The following KIF11 variants were observed in gnomAD, a reference collection of about 807,000 sequenced individuals.
The protein encoded by KIF11 is kinesin family member 11, also known as kinesin-like protein KIF11.
In KIF11, 9 loss-of-function variants were observed where a neutral mutation model predicts 121.0. That is an observed-to-expected ratio of 0.07 (90% CI 0.04 to 0.13). The LOEUF (loss-of-function observed/expected upper bound fraction) is 0.13. Among genes scored for constraint, KIF11 ranks in the 10% least tolerant of loss-of-function variants. The pLI, the probability that KIF11 is intolerant of heterozygous loss-of-function variation, is 1.00. For missense variants in KIF11, 846 were observed against 1,217.5 expected, an observed-to-expected ratio of 0.69 and a Z score of 4.54; for synonymous variants, 408 against 421.0, an observed-to-expected ratio of 0.97 and a Z score of 0.38.
At chr10:92,651,202 A>G (rs1844975515) in intron 21 of KIF11, among the ~76,000 whole-genome samples, 1 of 135,958 alleles carries the variant, frequency 7.4e-6, no homozygotes, top group Non-Finnish European at 1.6e-5. Context: ...ATTTTTTTGT[A>G]TTTTTAGTAG....
At chr10:92,606,465 G>C in intron 2 of KIF11, 68 bp downstream of exon 2, 5 of 1,361,988 alleles carry the variant, frequency 3.7e-6, no homozygotes, top group Non-Finnish European at 5.0e-6. Flanking sequence ...TATTTTACCT[G>C]GAAAATGGTG....
At chr10:92,612,189 G>A (rs1005585955) in intron 6 of KIF11, among the ~76,000 whole-genome samples, 8 of 151,670 alleles carry the variant, frequency 5.3e-5, no homozygotes, top group African/African-American at 1.5e-4. Context: ...AGGCTGGAGT[G>A]CAGTAACTCA....
intron 10 of KIF11, among the ~76,000 whole-genome samples, chr10:92,624,757 T>TTCTC (rs34197740): frequency 0.58 from 81,500 of 140,096 alleles, 22,844 homozygotes; most frequent in East Asian, 0.84. Context: ...CAAATAGTAT[T>TTCTC]TCTGTGTGTG....
rs148086073 is a variant in KIF11 at position 92,625,411 on chromosome 10, C to T, written c.1218-3397C>T. 1.7e-3 allele frequency among the ~76,000 whole-genome samples: 260 copies of T among 150,954 alleles called. 3 individuals carry two copies. Among genetic ancestry groups the T allele is most frequent in the African/African-American group, 5.4e-3 (223 of 41,064 alleles). On this transcript the variant is annotated intron_variant, in intron 10 of 21. Transcript: ENST00000260731. ...GCCCAGGCTGGAGTGCAGTGTGGCA[C>T]GATCTCAGCTCACTTCAACCTCCAC... is the stretch of plus-strand genomic sequence containing the variant.
intron 1 of KIF11, among the ~76,000 whole-genome samples, chr10:92,602,825 C>CGTGTGTGT (rs3980475): frequency 0.011 from 1,336 of 122,412 alleles, 17 homozygotes; most frequent in South Asian, 0.031. Flanking sequence ...CACACACACA[C>CGTGTGTGT]GTGTGTGTGT....
At chr10:92,617,102 G>A (rs748994384) in intron 9 of KIF11, among the ~76,000 whole-genome samples, 5 of 152,108 alleles carry the variant, frequency 3.3e-5, no homozygotes, top group Non-Finnish European at 5.9e-5. Flanking sequence ...CATTTTTGAG[G>A]TATAATTTAC....
At chr10:92,616,904 A>G (rs1042797604) in intron 9 of KIF11, 72 bp downstream of exon 9, 1 of 834,674 alleles carries the variant, frequency 1.2e-6, no homozygotes, top group Non-Finnish European at 1.9e-6. Context: ...GAAGTGGGAG[A>G]TAATAGTTAA....
intron 4 of KIF11, 69 bp from the exon 5 acceptor site, chr10:92,608,951 G>T: frequency 1.3e-6 from 1 of 793,344 alleles, no homozygotes. Flanking sequence ...TTATAAAGGA[G>T]GCCCATGTAT....
At chr10:92,624,582 T>TGTA (rs947766881) in intron 10 of KIF11, among the ~76,000 whole-genome samples, 2 of 152,150 alleles carry the variant, frequency 1.3e-5, no homozygotes, top group African/African-American at 4.8e-5. Context: ...ATGGTGTATA[T>TGTA]GTACCACATT....
At position 92,633,786 on chromosome 10, in the gene KIF11, G is replaced by A. The variant is rs1564713565; in HGVS notation, c.1866G>A (p.Gln622=). The A allele has an allele frequency of 6.4e-7, 1 of 1,568,920 alleles. No individual in the cohort carries two copies. The highest frequency in any genetic ancestry group is 1.4e-5 in the African/African-American group (1 of 73,456). Residue 622 remains glutamine (Q), a synonymous_variant, in exon 14 of 22, where the codon CAG becomes CAA. Transcript: ENST00000260731. ...CAGCAGAAAGTAAAACTGTACTACA[G>A]GAATTGATTGTTAGTACATCCTTTA... is the stretch of plus-strand genomic sequence containing the variant. The part of the protein sequence containing the change: ...SLAAESKTVL[Q]ELINVLKTDL...
intron 14 of KIF11, among the ~76,000 whole-genome samples, chr10:92,636,629 AAAG>A (rs1344570435): frequency 1.3e-5 from 2 of 152,076 alleles, no homozygotes; most frequent in Non-Finnish European, 2.9e-5. Flanking sequence ...AAAAAGAAAA[AAAG>A]AAATTCTGTG....
At chr10:92,628,287 T>C (rs1472039349) in intron 10 of KIF11, among the ~76,000 whole-genome samples, 2 of 152,206 alleles carry the variant, frequency 1.3e-5, no homozygotes, top group African/African-American at 2.4e-5. Flanking sequence ...TTGTGCGTGT[T>C]GCAGCAGCAG....
intron 10 of KIF11, among the ~76,000 whole-genome samples, chr10:92,625,880 G>A (rs796713131): frequency 6.6e-5 from 10 of 152,134 alleles, no homozygotes; most frequent in Admixed American, 2.6e-4. Context: ...GAGAGGTGAA[G>A]GATCTCTACG....
At chr10:92,653,460 T>A (rs546361419) in intron 21 of KIF11, among the ~76,000 whole-genome samples, 42 of 152,358 alleles carry the variant, frequency 2.8e-4, no homozygotes, top group Admixed American at 9.8e-4. Context: ...TTTCTTTCAC[T>A]CTACTCCTTC....
chr10:92,642,834 A>G (rs1204455141), intron 17 of KIF11, among the ~76,000 whole-genome samples: 1 of 152,126 alleles, frequency 6.6e-6, no homozygotes, highest in Non-Finnish European at 1.5e-5. Context: ...CTAAGTCTTT[A>G]TATTTAAAGT....
chr10:92,609,266 CAGAG>C (rs3835295), intron 5 of KIF11, 61 bp downstream of exon 5: 10,935 of 739,496 alleles, frequency 0.015, 62 homozygotes, highest in Middle Eastern at 0.018. Flanking sequence ...TTTGAGAAGT[CAGAG>C]AGAGAGAGAG....
At chr10:92,606,007 G>A (rs575919298) in intron 1 of KIF11, among the ~76,000 whole-genome samples, 14 of 152,188 alleles carry the variant, frequency 9.2e-5, no homozygotes, top group Middle Eastern at 3.4e-3. Context: ...AAATCTATTC[G>A]TATCTGCTCT....
intron 1 of KIF11, among the ~76,000 whole-genome samples, chr10:92,602,825 CGTGTGTGTGT>C (rs3980475): frequency 3.4e-4 from 42 of 122,432 alleles, no homozygotes; most frequent in Admixed American, 5.8e-4. Context: ...CACACACACA[CGTGTGTGTGT>C]GTGTGTGTGT....
Position 92,609,459 on chromosome 10 carries a change from G to C in KIF11, c.648G>C (p.Lys216Asn). Reference sequence around the variant, plus strand: ...ATGAAGTCTATCAAATTTTAGAAAAGGGGGCAGCAAAAAGGACAACTGCAG... The same window carrying C: ...ATGAAGTCTATCAAATTTTAGAAAACGGGGCAGCAAAAAGGACAACTGCAG... Reference protein sequence around the residue: ...NKDEVYQILEKGAAKRTTAAT... With the variant: ...NKDEVYQILENGAAKRTTAAT... Residue 216 changes from lysine to asparagine, a missense_variant, in exon 6 of 22, where the codon AAG (lysine) becomes AAC (asparagine). Physicochemically the swap from Lys to Asn is moderately conservative, Grantham distance 94 (BLOSUM62 0). This residue lies in a region of KIF11 where 116 missense variants were observed against 285.3 expected (regional missense o/e 0.41). Transcript: ENST00000260731. 2.5e-6 allele frequency: 4 copies of C among 1,613,488 alleles called. No individual in the cohort carries two copies. Among genetic ancestry groups the C allele is most frequent in the Non-Finnish European group, 2.5e-6 (3 of 1,179,822 alleles).
Sources: allele counts gnomAD v4.1 joint callset (sites outside exome capture counted in the v4.1 genomes callset), GRCh38; gene constraint gnomAD v4.1.1; regional missense constraint gnomAD v4.1.1; transcripts MANE v1.5; gene names NCBI Gene and HGNC (gene_info 2026-07-23, HGNC 2026-07-21).